IQCE: variants seen among roughly 807,000 people sequenced by gnomAD.
IQCE encodes IQ motif containing E, also known as IQ domain-containing protein E.
In IQCE, 115 loss-of-function variants were observed where a neutral mutation model predicts 96.0. The ratio of observed to expected loss-of-function variants is 1.20; its 90% CI spans 1.03 to 1.40. IQCE has a LOEUF of 1.40. Ranked by LOEUF, IQCE falls within the 40% of genes most tolerant of loss-of-function variation. The probability of loss-of-function intolerance (pLI) is 0.00; values close to 1 mark genes in which losing one functional copy is unlikely to be tolerated. For synonymous variants in IQCE, 412 were observed against 371.2 expected (o/e 1.11, Z -1.26); for missense variants, 1,041 against 909.1 (o/e 1.15, Z -1.87).
rs1476376443 is a variant in IQCE at position 2,600,074 on chromosome 7, G to A, written c.1609-1367G>A. Among the ~76,000 whole-genome samples the A allele has an allele frequency of 2.0e-5, 3 of 151,924 alleles. No individual in the cohort carries two copies. In the South Asian group the frequency reaches 6.2e-4, roughly 31 times the overall value. On this transcript the variant is annotated intron_variant, in intron 17 of 21. Transcript: ENST00000402050. ...CTCCCAAAGTGCTGGGATTATAGGCGTGAGCCACTGTGCCTGGCCTTTTTT... is the reference window on the plus strand; with the variant it reads ...CTCCCAAAGTGCTGGGATTATAGGCATGAGCCACTGTGCCTGGCCTTTTTT...
intron 3 of IQCE, among the ~76,000 whole-genome samples, chr7:2,570,027 T>G (rs1781648618): frequency 1.3e-5 from 2 of 152,142 alleles, no homozygotes; most frequent in South Asian, 4.1e-4. Flanking sequence ...GACCTGTTTT[T>G]CTCCGGGTTT....
In IQCE at chr7:2,606,280, A is replaced by G. The variant is rs1206678543; in HGVS notation, c.1865+283A>G. ...GGAGATGAGAAGAGGAGCTTCACAC[A>G]CCGTGTAGCTCAGGTCACCATCAGT... On this transcript the variant is annotated intron_variant, in intron 20 of 21. Coordinates refer to ENST00000402050, the MANE Select transcript of IQCE (RefSeq NM_152558.5). Among the ~76,000 whole-genome samples the G allele has an allele frequency of 2.6e-5, 4 of 152,228 alleles. No homozygotes were observed. The East Asian group carries it at 7.7e-4, about 29-fold the overall frequency.
rs202237035 is a variant in IQCE at position 2,598,524 on chromosome 7, G to A, written c.1500G>A (p.Pro500=). The A allele has an allele frequency of 2.9e-5, 46 of 1,611,078 alleles. No individual in the cohort carries two copies. The highest frequency in any genetic ancestry group is 3.8e-5 in the Non-Finnish European group (45 of 1,178,768). ...SSRHCEQDWP[P]DSSEEGLPRP... is the part of the protein sequence containing the mutation. ...GGCACTGCGAGCAAGACTGGCCGCC[G>A]GATTCCAGCGAGGAGGGGCTCCCGC... The change falls in exon 17 of 22, where the codon CCG becomes CCA. Residue 500 remains proline, a synonymous_variant. Coordinates refer to ENST00000402050, the MANE Select transcript of IQCE (RefSeq NM_152558.5).
chr7:2,567,042 T>A (rs1179160970), intron 1 of IQCE, 74 bp from the exon 2 acceptor site: 6 of 1,326,246 alleles, frequency 4.5e-6, no homozygotes, highest in Non-Finnish European at 6.5e-6. Context: ...CGGGCTGTTT[T>A]CGCTTTTGTA....
Position 2,559,082 on chromosome 7 carries a change from GA to G in IQCE, c.-98del. The stretch of plus-strand genomic sequence containing the variant: ...AGCGGGGTCGCGGGCCGGCGCCAGG[GA>G]AGGCCCCGAGGCTGCGGGCGGCCAG... On this transcript the variant is annotated 5_prime_UTR_variant, in exon 1 of 22. It removes the in-frame stop codon of an upstream open reading frame in the 5' UTR. Transcript: ENST00000402050. The G allele has an allele frequency of 3.0e-6, 2 of 662,456 alleles. No individual in the cohort carries two copies. Among genetic ancestry groups the G allele is most frequent in the Non-Finnish European group, 4.2e-6 (2 of 479,344 alleles). The allele number at this position is 662,456 out of a possible 1,614,324, so 41.0% of individuals were successfully genotyped here.
intron 3 of IQCE, among the ~76,000 whole-genome samples, chr7:2,571,221 A>G (rs1016972672): frequency 6.6e-6 from 1 of 151,928 alleles, no homozygotes. Context: ...GTCTTGTTGT[A>G]TTGCCCAGGC....
At chr7:2,573,920 A>C (rs1476472468) in intron 6 of IQCE, among the ~76,000 whole-genome samples, 1 of 152,092 alleles carries the variant, frequency 6.6e-6, no homozygotes, top group Non-Finnish European at 1.5e-5. Context: ...GGGCAGAACC[A>C]CTTGTTACAA....
intron 1 of IQCE, among the ~76,000 whole-genome samples, chr7:2,564,562 C>T (rs1326193741): frequency 6.6e-6 from 1 of 151,858 alleles, no homozygotes; most frequent in Admixed American, 6.6e-5. Flanking sequence ...TGTGTCACTG[C>T]ACTCCAGCCT....
chr7:2,559,177 C>A lies in IQCE; in HGVS notation c.-5C>A. The A allele has an allele frequency of 1.6e-6, 2 of 1,216,328 alleles. No individual in the cohort carries two copies. The allele number at this position is 1,216,328 out of a possible 1,614,324, so 75.3% of individuals were successfully genotyped here. On this transcript the variant is annotated 5_prime_UTR_variant, in exon 1 of 22. Coordinates refer to ENST00000402050, the MANE Select transcript of IQCE (RefSeq NM_152558.5). ...CCTGAGGGGCGGCCGGGCAGCGCCGCCACCATGTTCCTGGGCACCGGGGAG... is the reference window on the plus strand; with the variant it reads ...CCTGAGGGGCGGCCGGGCAGCGCCGACACCATGTTCCTGGGCACCGGGGAG...
At chr7:2,561,233 C>T (rs1382882889) in intron 1 of IQCE, among the ~76,000 whole-genome samples, 4 of 152,108 alleles carry the variant, frequency 2.6e-5, no homozygotes, top group East Asian at 1.9e-4. Context: ...GCTGGGATTA[C>T]AGGCGTGAGC....
chr7:2,592,916 T>C, intron 14 of IQCE, 106 bp from the exon 15 acceptor site: 1 of 1,233,820 alleles, frequency 8.1e-7, no homozygotes, highest in Non-Finnish European at 1.1e-6. Context: ...CACCATCCAC[T>C]GTCCTAAGGA....
chr7:2,575,052 A>G (rs530417483), intron 6 of IQCE, among the ~76,000 whole-genome samples: 1 of 152,264 alleles, frequency 6.6e-6, no homozygotes, highest in African/African-American at 2.4e-5. Flanking sequence ...CGGGATTCCA[A>G]TGTCCAGGCC....
intron 15 of IQCE, 129 bp from the exon 16 acceptor site, chr7:2,594,757 C>CA (rs1783888727): frequency 2.8e-6 from 2 of 716,130 alleles, no homozygotes; most frequent in Non-Finnish European, 5.1e-6. Context: ...GACATGGCCC[C>CA]ACCAGCTCTC....
intron 13 of IQCE, among the ~76,000 whole-genome samples, chr7:2,588,701 A>G (rs1375057604): frequency 3.0e-5 from 3 of 100,020 alleles, no homozygotes; most frequent in African/African-American, 8.3e-5. Context: ...GTCTCACTCT[A>G]TCGCCCAGGC....
In IQCE at chr7:2,577,397, A is replaced by C. The variant is rs1364191905; in HGVS notation, c.466-845A>C. 1.3e-4 allele frequency among the ~76,000 whole-genome samples: 7 copies of C among 54,852 alleles called. 2 individuals are homozygous for C. In the South Asian group the frequency reaches 3.2e-3, roughly 25 times the overall value. 36.0% of individuals were successfully genotyped at this position (54,852 alleles called of 152,430 possible). On this transcript the variant is annotated intron_variant, in intron 6 of 21. Coordinates refer to ENST00000402050, the MANE Select transcript of IQCE (RefSeq NM_152558.5). ...GCGGCGTGCGCGCATTGGCGTGTGC[A>C]TGGCTGTGCGCGCGGGGACGTGTGT... is the stretch of plus-strand genomic sequence containing the variant.
intron 20 of IQCE, 109 bp from the exon 21 acceptor site, chr7:2,607,015 T>G: frequency 9.7e-7 from 1 of 1,030,238 alleles, no homozygotes; most frequent in Non-Finnish European, 1.4e-6. Flanking sequence ...CTGTGTTTGC[T>G]TTCATTGGAA....
chr7:2,568,787 G>A (rs1781559024), intron 2 of IQCE, among the ~76,000 whole-genome samples, 167 bp from the exon 3 acceptor site: 1 of 152,190 alleles, frequency 6.6e-6, no homozygotes. Context: ...TGTGGGGTCT[G>A]CATCGGGCCC....
chr7:2,589,563 G>C (rs1334200636), intron 13 of IQCE, among the ~76,000 whole-genome samples: 1 of 152,164 alleles, frequency 6.6e-6, no homozygotes, highest in Non-Finnish European at 1.5e-5. Context: ...AAGCATGAAG[G>C]CTGAAAATGT....
intron 21 of IQCE, among the ~76,000 whole-genome samples, chr7:2,608,565 A>G: frequency 6.6e-6 from 1 of 152,254 alleles, no homozygotes; most frequent in East Asian, 1.9e-4. Context: ...GGGAGAATGT[A>G]CAGACACGCA....
Sources: allele counts gnomAD v4.1 joint callset (sites outside exome capture counted in the v4.1 genomes callset), GRCh38; gene constraint gnomAD v4.1.1; transcripts MANE v1.5; gene names NCBI Gene and HGNC (gene_info 2026-07-23, HGNC 2026-07-21).